Variants in CNTNAP5 observed in about 807,000 individuals in gnomAD.
CNTNAP5 encodes contactin-associated protein-like 5.
Under a neutral mutation model 150.2 loss-of-function variants are expected in CNTNAP5, and 72 were observed. That is an observed-to-expected ratio of 0.48 (90% CI 0.40 to 0.58). The LOEUF (loss-of-function observed/expected upper bound fraction) is 0.58, where lower values mean the gene tolerates loss of function less well. Among genes scored for constraint, CNTNAP5 ranks in the 20% least tolerant of loss-of-function variants. The probability of loss-of-function intolerance (pLI) is 0.00; values close to 1 mark genes in which losing one functional copy is unlikely to be tolerated. For synonymous variants in CNTNAP5, 672 were observed against 619.8 expected, an observed-to-expected ratio of 1.08 and a Z score of -1.25; for missense variants, 1,636 against 1,626.2, an observed-to-expected ratio of 1.01 and a Z score of -0.10.
chr2:124,310,937 G>A (rs1024539642), intron 3 of CNTNAP5, among the ~76,000 whole-genome samples: 3 of 152,042 alleles, frequency 2.0e-5, no homozygotes, highest in East Asian at 1.9e-4. Context: ...GCCAGTCCTC[G>A]ACACTTTCAT....
At chr2:124,713,275 TTCTTTCTTTCTTTCTTTC>T in intron 13 of CNTNAP5, among the ~76,000 whole-genome samples, 1 of 128,228 alleles carries the variant, frequency 7.8e-6, no homozygotes, top group Non-Finnish European at 1.7e-5. Context: ...CTTTCTTTCT[TTCTTTCTTTCTTTCTTTC>T]TTTCTTTCTT....
intron 7 of CNTNAP5, among the ~76,000 whole-genome samples, chr2:124,502,669 C>T (rs1360672746): frequency 6.6e-6 from 1 of 152,178 alleles, no homozygotes; most frequent in Admixed American, 6.5e-5. Flanking sequence ...ACAGCCCTAC[C>T]ACAATGAGTT....
At chr2:124,057,498 G>A (rs1681886803) in intron 1 of CNTNAP5, among the ~76,000 whole-genome samples, 1 of 119,800 alleles carries the variant, frequency 8.3e-6, no homozygotes, top group Non-Finnish European at 1.7e-5. Flanking sequence ...CACCGTGTTA[G>A]CCAGGATGGT....
At chr2:124,470,403 A>G (rs1158636273) in intron 6 of CNTNAP5, among the ~76,000 whole-genome samples, 2 of 151,654 alleles carry the variant, frequency 1.3e-5, no homozygotes, top group African/African-American at 4.8e-5. Flanking sequence ...CTTTTGCCCC[A>G]CTTTTTATGG....
At chr2:124,164,540 A>C (rs116662771) in intron 1 of CNTNAP5, among the ~76,000 whole-genome samples, 379 of 152,284 alleles carry the variant, frequency 2.5e-3, no homozygotes, top group Middle Eastern at 0.01. Flanking sequence ...CAGACACCTA[A>C]ATAAGGTGAA....
At chr2:124,786,352 G>GAAGAAAGA (rs1207108942) in intron 17 of CNTNAP5, among the ~76,000 whole-genome samples, 915 of 59,060 alleles carry the variant, frequency 0.015, 51 homozygotes, top group East Asian at 0.027. Flanking sequence ...AGAAAGAAAG[G>GAAGAAAGA]AAGAAAGAAA....
chr2:124,648,362 C>T (rs530529995), intron 13 of CNTNAP5, among the ~76,000 whole-genome samples: 7 of 152,084 alleles, frequency 4.6e-5, no homozygotes, highest in East Asian at 1.9e-4. Flanking sequence ...CACACCCACC[C>T]GAGAGGGATG....
At chr2:124,401,483 A>ATT (rs1691424483) in intron 3 of CNTNAP5, among the ~76,000 whole-genome samples, 3 of 152,244 alleles carry the variant, frequency 2.0e-5, no homozygotes, top group Non-Finnish European at 4.4e-5. Flanking sequence ...TATATACAAA[A>ATT]GTTCATAGTG....
chr2:124,710,518 A>C (rs1005054270), intron 13 of CNTNAP5, among the ~76,000 whole-genome samples: 1 of 152,108 alleles, frequency 6.6e-6, no homozygotes, highest in African/African-American at 2.4e-5. Flanking sequence ...CCTATCATCC[A>C]TTGTCGGTGA....
intron 3 of CNTNAP5, among the ~76,000 whole-genome samples, chr2:124,362,692 T>C (rs931210417): frequency 2.0e-5 from 3 of 152,184 alleles, no homozygotes; most frequent in African/African-American, 7.2e-5. Context: ...CAATTTTAAT[T>C]ATTCTCAGTT....
intron 3 of CNTNAP5, among the ~76,000 whole-genome samples, chr2:124,383,819 C>T (rs1478355145): frequency 1.3e-5 from 2 of 152,112 alleles, no homozygotes; most frequent in African/African-American, 4.8e-5. Context: ...ATACTTTTTA[C>T]TCTTTAATAA....
chr2:124,127,845 C>T (rs1295578534), intron 1 of CNTNAP5, among the ~76,000 whole-genome samples: 1 of 152,152 alleles, frequency 6.6e-6, no homozygotes, highest in Admixed American at 6.5e-5. Flanking sequence ...GCTGGGAAAA[C>T]TGGCTAGCCA....
At chr2:124,653,917 C>CCCG (rs1553427445) in intron 13 of CNTNAP5, among the ~76,000 whole-genome samples, 3 of 137,110 alleles carry the variant, frequency 2.2e-5, no homozygotes, top group East Asian at 2.2e-4. Flanking sequence ...CCCAACCCCC[C>CCCG]CCCCCCGCCA....
At chr2:124,515,072 T>C (rs1007170724) in intron 8 of CNTNAP5, among the ~76,000 whole-genome samples, 1 of 152,236 alleles carries the variant, frequency 6.6e-6, no homozygotes, top group Admixed American at 6.5e-5. Context: ...GTTTTCCCTT[T>C]ATGCACTGAT....
intron 6 of CNTNAP5, among the ~76,000 whole-genome samples, chr2:124,449,932 C>T (rs1031514246): frequency 5.9e-5 from 9 of 152,088 alleles, no homozygotes; most frequent in Non-Finnish European, 1.0e-4. Flanking sequence ...TTCTACTCAC[C>T]ACATGACCAC....
chr2:124,347,497 A>C (rs1369143041), intron 3 of CNTNAP5, among the ~76,000 whole-genome samples: 1 of 152,162 alleles, frequency 6.6e-6, no homozygotes, highest in African/African-American at 2.4e-5. Context: ...GGGCAGATTG[A>C]GCAGAAGAAA....
At chr2:124,486,479 A>C (rs1421532369) in intron 7 of CNTNAP5, among the ~76,000 whole-genome samples, 1 of 152,210 alleles carries the variant, frequency 6.6e-6, no homozygotes, top group Non-Finnish European at 1.5e-5. Flanking sequence ...TAAAAACAAA[A>C]TGCAGGGCAA....
intron 1 of CNTNAP5, among the ~76,000 whole-genome samples, chr2:124,128,716 G>A (rs1335271108): frequency 2.0e-5 from 3 of 152,090 alleles, no homozygotes; most frequent in Non-Finnish European, 4.4e-5. Context: ...ATACACCATG[G>A]AATACTATGC....
At chr2:124,602,325 A>G (rs1307436399) in intron 11 of CNTNAP5, among the ~76,000 whole-genome samples, 1 of 134,156 alleles carries the variant, frequency 7.5e-6, no homozygotes, top group African/African-American at 2.8e-5. Context: ...CTGGCGACAG[A>G]GCAAGACTTC....
Sources: allele counts gnomAD v4.1 joint callset (sites outside exome capture counted in the v4.1 genomes callset), GRCh38; gene constraint gnomAD v4.1.1; transcripts MANE v1.5; gene names NCBI Gene and HGNC (gene_info 2026-07-23, HGNC 2026-07-21).